TRAM1: variants seen among roughly 807,000 people sequenced by gnomAD.
TRAM1 encodes the protein translocation associated membrane protein 1, also known as translocating chain-associated membrane protein 1.
A neutral mutation model predicts 48.7 loss-of-function variants in TRAM1; 17 were observed. The observed-to-expected ratio is 0.35, with a 90% CI of 0.24 to 0.52. The LOEUF (loss-of-function observed/expected upper bound fraction) is 0.52, where lower values mean the gene tolerates loss of function less well. Ranked by LOEUF, TRAM1 falls within the 20% of genes least tolerant of loss-of-function variation. TRAM1 has a pLI of 0.94. For missense variants in TRAM1, 351 were observed against 441.5 expected (o/e 0.79, Z 1.84); for synonymous variants, 182 against 154.0 (o/e 1.18, Z -1.34).
At position 70,583,246 on chromosome 8, in the gene TRAM1, C is replaced by T; in HGVS notation, c.969G>A (p.Trp323Ter). Residue 323 changes from tryptophan to a stop codon, truncating the protein, a stop_gained, in exon 10 of 11, where the codon TGG becomes TGA. Coordinates refer to ENST00000262213, the MANE Select transcript of TRAM1 (RefSeq NM_014294.6). LOFTEE classifies it high-confidence loss of function. Reference protein sequence around the residue: ...WKFINFQLRRWREHSAFQAPA... With the variant: ...WKFINFQLRR ...GTGCCTGAAAAGCAGAATGTTCCCTCCACCTTCGAAGCTGAAAATTAATGA... is the reference window on the plus strand; with the variant it reads ...GTGCCTGAAAAGCAGAATGTTCCCTTCACCTTCGAAGCTGAAAATTAATGA... 1 of 1,613,986 alleles carries T rather than the reference C, an allele frequency of 6.2e-7. No individual in the cohort carries two copies. The highest frequency in any genetic ancestry group is 8.5e-7 in the Non-Finnish European group (1 of 1,179,984).
chr8:70,577,421 A>G (rs1242773728), intron 10 of TRAM1, among the ~76,000 whole-genome samples: 1 of 152,132 alleles, frequency 6.6e-6, no homozygotes, highest in Admixed American at 6.5e-5. Context: ...CCACCCATGG[A>G]CCAATCAGCA....
At position 70,574,877 on chromosome 8, in the gene TRAM1, G is replaced by T; in HGVS notation, c.*55C>A. The T allele has an allele frequency of 8.4e-7, 1 of 1,197,506 alleles. No individual in the cohort carries two copies. Among genetic ancestry groups the T allele is most frequent in the Non-Finnish European group, 1.2e-6 (1 of 818,554 alleles). 74.2% of individuals were successfully genotyped at this position (1,197,506 alleles called of 1,614,324 possible). A position where few individuals can be genotyped will look rare whatever the true frequency, so the allele number is the denominator to read the frequency against. Reference sequence around the variant, plus strand: ...AACAGAAAAATCTCTAATGCTGAAAGATATAGTAGAAAGCAGATTTCTTTG... The same window carrying T: ...AACAGAAAAATCTCTAATGCTGAAATATATAGTAGAAAGCAGATTTCTTTG... On this transcript the variant is annotated 3_prime_UTR_variant, in exon 11 of 11. Coordinates refer to ENST00000262213, the MANE Select transcript of TRAM1 (RefSeq NM_014294.6).
chr8:70,602,472 A>T (rs957539745), intron 1 of TRAM1, among the ~76,000 whole-genome samples: 4 of 152,212 alleles, frequency 2.6e-5, no homozygotes, highest in African/African-American at 9.6e-5. Context: ...TGAGTATTGC[A>T]CTCTTGAACA....
Position 70,599,901 on chromosome 8 carries a change from C to T in TRAM1, c.187+118G>A, listed in dbSNP as rs1817568353. On this transcript the variant is annotated intron_variant, in intron 2 of 10. Coordinates refer to ENST00000262213, the MANE Select transcript of TRAM1 (RefSeq NM_014294.6). ...AAATCATCACAATAACATTCAGTCACATCATGGATGAGATCTCTGACGATT... is the reference window on the plus strand; with the variant it reads ...AAATCATCACAATAACATTCAGTCATATCATGGATGAGATCTCTGACGATT... The T allele has an allele frequency of 4.0e-6, 3 of 751,438 alleles. No homozygotes were observed. In the South Asian group the frequency reaches 4.6e-5, roughly 12 times the overall value. 46.5% of individuals were successfully genotyped at this position (751,438 alleles called of 1,614,324 possible).
At chr8:70,594,052 T>G (rs566132403) in intron 6 of TRAM1, among the ~76,000 whole-genome samples, 1 of 152,308 alleles carries the variant, frequency 6.6e-6, no homozygotes, top group South Asian at 2.1e-4. Context: ...CTGGTGAATA[T>G]TTAAATATAT....
At chr8:70,597,687 A>C (rs1289872653) in intron 4 of TRAM1, among the ~76,000 whole-genome samples, 4 of 150,658 alleles carry the variant, frequency 2.7e-5, no homozygotes, top group African/African-American at 9.7e-5. Flanking sequence ...AAAAAAAAAA[A>C]AAAAAGAAAG....
At chr8:70,599,925 T>C (rs1462730672) in intron 2 of TRAM1, 94 bp downstream of exon 2, 1 of 889,866 alleles carries the variant, frequency 1.1e-6, no homozygotes, top group Non-Finnish European at 1.9e-6. Flanking sequence ...TCTCTGACGA[T>C]TAATTAACGC....
At position 70,598,240 on chromosome 8, in the gene TRAM1, T is replaced by A; in HGVS notation, c.203A>T (p.Glu68Val). ...TLPATEEQATESVSLYYYGIK... is the reference protein window; with the variant it reads ...TLPATEEQATVSVSLYYYGIK... The stretch of plus-strand genomic sequence containing the variant: ...GCCATAGTAATAAAGGGACACTGAT[T>A]CAGTAGCTTGTTCTTCTGAAGACCA... The change falls in exon 3 of 11, where the codon GAA becomes GTA. Residue 68 changes from glutamate to valine, a missense_variant. Coordinates refer to ENST00000262213, the MANE Select transcript of TRAM1 (RefSeq NM_014294.6). 1 of 1,608,958 alleles carries A rather than the reference T, an allele frequency of 6.2e-7. No homozygotes were observed.
At chr8:70,594,209 A>G (rs2132037848) in intron 6 of TRAM1, among the ~76,000 whole-genome samples, 1 of 152,132 alleles carries the variant, frequency 6.6e-6, no homozygotes, top group Admixed American at 6.5e-5. Context: ...TTTAAAAATT[A>G]GTTTAAATTT....
intron 1 of TRAM1, among the ~76,000 whole-genome samples, chr8:70,606,171 G>A (rs2132049951): frequency 6.6e-6 from 1 of 152,300 alleles, no homozygotes; most frequent in East Asian, 1.9e-4. Context: ...ATCAAATTCA[G>A]AAAGTGAATA....
intron 6 of TRAM1, among the ~76,000 whole-genome samples, chr8:70,592,402 G>A (rs1427734749): frequency 6.6e-6 from 1 of 152,142 alleles, no homozygotes; most frequent in African/African-American, 2.4e-5. Context: ...TAAATTTTAA[G>A]AAACTGTTTA....
At position 70,596,292 on chromosome 8, in the gene TRAM1, T is replaced by A. The variant is rs1311301210; in HGVS notation, c.456A>T (p.Leu152Phe). The A allele has an allele frequency of 1.0e-5, 16 of 1,601,166 alleles. No individual in the cohort carries two copies. Among genetic ancestry groups the A allele is most frequent in the Non-Finnish European group, 1.4e-5 (16 of 1,175,200 alleles). ...SENYISDPTI[L>F]WRAYPHNLMT... is the part of the protein sequence containing the mutation. ...TCAGGTTATGGGGATAAGCCCTCCA[T>A]AAGATAGTTGGGTCTGAGATGTAGT... is the stretch of plus-strand genomic sequence containing the variant. The change falls in exon 5 of 11, where the codon TTA becomes TTT. Residue 152 changes from leucine to phenylalanine, a missense_variant. Transcript: ENST00000262213.
At chr8:70,599,987 T>TA in intron 2 of TRAM1, 32 bp downstream of exon 2, 1 of 1,585,348 alleles carries the variant, frequency 6.3e-7, no homozygotes, top group Non-Finnish European at 8.7e-7. Flanking sequence ...AACTTCTATT[T>TA]ACGTAGAAAA....
intron 1 of TRAM1, chr8:70,607,444 G>C: frequency 1.0e-6 from 1 of 985,470 alleles, no homozygotes; most frequent in Non-Finnish European, 1.2e-6. Flanking sequence ...AAAACAATCT[G>C]GCGCGCCTCC....
At chr8:70,598,318 G>A (rs1817534863) in intron 2 of TRAM1, 63 bp from the exon 3 acceptor site, 5 of 1,455,432 alleles carry the variant, frequency 3.4e-6, no homozygotes, top group South Asian at 1.4e-5. Context: ...ACAGCATTAA[G>A]TACAACATAG....
At chr8:70,596,360 T>C (rs1817487477) in intron 4 of TRAM1, 39 bp from the exon 5 acceptor site, 3 of 1,476,262 alleles carry the variant, frequency 2.0e-6, no homozygotes, top group Non-Finnish European at 2.8e-6. Context: ...GTGAGCATAA[T>C]GCAAACTTCT....
At chr8:70,598,302 A>T in intron 2 of TRAM1, 47 bp from the exon 3 acceptor site, 1 of 1,550,452 alleles carries the variant, frequency 6.4e-7, no homozygotes, top group Non-Finnish European at 8.7e-7. Flanking sequence ...ACACAAGGTT[A>T]TAAAAACAGC....
chr8:70,589,843 TCAAAACAAAA>T (rs529112697), intron 6 of TRAM1, among the ~76,000 whole-genome samples: 3 of 152,076 alleles, frequency 2.0e-5, no homozygotes, highest in African/African-American at 7.2e-5. Flanking sequence ...AGACCTTGTC[TCAAAACAAAA>T]CAAAACAAAA....
chr8:70,581,383 G>A (rs926259418), intron 10 of TRAM1, among the ~76,000 whole-genome samples: 4 of 152,210 alleles, frequency 2.6e-5, no homozygotes, highest in African/African-American at 9.6e-5. Flanking sequence ...ACGAATAAAT[G>A]AAATAGAATT....
Sources: allele counts gnomAD v4.1 joint callset (sites outside exome capture counted in the v4.1 genomes callset), GRCh38; gene constraint gnomAD v4.1.1; transcripts MANE v1.5; gene names NCBI Gene and HGNC (gene_info 2026-07-23, HGNC 2026-07-21).